Variants in DOK5 observed in about 807,000 individuals in gnomAD.
The protein encoded by DOK5 is docking protein 5.
In DOK5, 27 loss-of-function variants were observed where a neutral mutation model predicts 43.3. The observed-to-expected ratio is 0.62, with a 90% confidence interval of 0.46 to 0.86. The LOEUF (loss-of-function observed/expected upper bound fraction) is 0.86. DOK5 is among the 40% of genes least tolerant of loss of function. The probability of loss-of-function intolerance (pLI) is 0.00; values close to 1 mark genes in which losing one functional copy is unlikely to be tolerated. For missense variants in DOK5, 373 were observed against 392.9 expected, an observed-to-expected ratio of 0.95 and a Z score of 0.43; for synonymous variants, 146 against 140.1, an observed-to-expected ratio of 1.04 and a Z score of -0.30.
chr20:54,575,357 T>C (rs914703086), intron 2 of DOK5, among the ~76,000 whole-genome samples: 7 of 152,164 alleles, frequency 4.6e-5, no homozygotes, highest in Non-Finnish European at 2.9e-5. Context: ...ACTTTGGATA[T>C]GGGATGGAAG....
chr20:54,640,031 C>G (rs1175274232), intron 6 of DOK5, among the ~76,000 whole-genome samples: 1 of 152,124 alleles, frequency 6.6e-6, no homozygotes, highest in Non-Finnish European at 1.5e-5. Flanking sequence ...GATGCCCTCC[C>G]GTCTCAGGAC....
chr20:54,539,568 G>C (rs1984078802), intron 1 of DOK5, among the ~76,000 whole-genome samples: 1 of 152,144 alleles, frequency 6.6e-6, no homozygotes, highest in South Asian at 2.1e-4. Context: ...AAAAAGATTA[G>C]TTGAAAAATG....
chr20:54,610,651 A>G (rs1986617368), intron 6 of DOK5, 128 bp downstream of exon 6: 35 of 1,094,302 alleles, frequency 3.2e-5, no homozygotes, highest in Non-Finnish European at 4.0e-5. Context: ...TCAACAGTGT[A>G]TCACTTGGAT....
At chr20:54,520,944 C>T (rs898034092) in intron 1 of DOK5, among the ~76,000 whole-genome samples, 7 of 152,078 alleles carry the variant, frequency 4.6e-5, no homozygotes, top group Non-Finnish European at 8.8e-5. Context: ...ACTCTGTAAG[C>T]TGACTTGCTT....
chr20:54,498,365 G>T (rs1201038591), intron 1 of DOK5, among the ~76,000 whole-genome samples: 4 of 152,084 alleles, frequency 2.6e-5, no homozygotes, highest in Non-Finnish European at 4.4e-5. Flanking sequence ...ATAAATTAGA[G>T]GATTAAATTG....
At chr20:54,556,513 T>C (rs1356274210) in intron 2 of DOK5, among the ~76,000 whole-genome samples, 1 of 152,244 alleles carries the variant, frequency 6.6e-6, no homozygotes, top group East Asian at 1.9e-4. Flanking sequence ...TCCAGTCATT[T>C]TGAACCAGAT....
chr20:54,505,681 G>A (rs898599051), intron 1 of DOK5, among the ~76,000 whole-genome samples: 28 of 152,136 alleles, frequency 1.8e-4, no homozygotes, highest in African/African-American at 6.8e-4. Flanking sequence ...TAGGGGGTGG[G>A]AGATGCAATT....
intron 1 of DOK5, among the ~76,000 whole-genome samples, chr20:54,542,182 CAA>C (rs1313119701): frequency 6.6e-6 from 1 of 151,398 alleles, no homozygotes; most frequent in African/African-American, 2.4e-5. Flanking sequence ...GAAAGCACAA[CAA>C]AGACAGCAGA....
intron 6 of DOK5, among the ~76,000 whole-genome samples, chr20:54,630,868 A>T (rs1334215508): frequency 6.6e-6 from 1 of 152,246 alleles, no homozygotes; most frequent in Non-Finnish European, 1.5e-5. Flanking sequence ...AAATTCTAAT[A>T]TTCATTTAAA....
chr20:54,615,645 C>T (rs1294334880), intron 6 of DOK5, among the ~76,000 whole-genome samples: 1 of 152,180 alleles, frequency 6.6e-6, no homozygotes, highest in Admixed American at 6.5e-5. Flanking sequence ...AGCGCAGTGG[C>T]TCATGCCTGT....
At chr20:54,581,741 G>C (rs763540233) in intron 2 of DOK5, among the ~76,000 whole-genome samples, 2 of 151,724 alleles carry the variant, frequency 1.3e-5, no homozygotes, top group Admixed American at 1.3e-4. Flanking sequence ...ATTTTGTATC[G>C]TGCCATTTTA....
At chr20:54,542,099 TACACACACACACAC>T (rs59020714) in intron 1 of DOK5, among the ~76,000 whole-genome samples, 7 of 121,984 alleles carry the variant, frequency 5.7e-5, no homozygotes, top group Admixed American at 2.4e-4. Context: ...TATTATAAGA[TACACACACACACAC>T]ACACACACAC....
At chr20:54,543,179 GT>G (rs1285229352) in intron 1 of DOK5, among the ~76,000 whole-genome samples, 1 of 152,094 alleles carries the variant, frequency 6.6e-6, no homozygotes, top group Non-Finnish European at 1.5e-5. Context: ...ATGTGTTGAA[GT>G]TTCTACTTAA....
At chr20:54,538,243 C>T (rs1984024521) in intron 1 of DOK5, among the ~76,000 whole-genome samples, 1 of 150,856 alleles carries the variant, frequency 6.6e-6, no homozygotes, top group Non-Finnish European at 1.5e-5. Flanking sequence ...TTTCCAAGAA[C>T]CTATTGATAT....
intron 1 of DOK5, among the ~76,000 whole-genome samples, chr20:54,516,495 A>G (rs1007755027): frequency 6.6e-6 from 1 of 152,186 alleles, no homozygotes; most frequent in Admixed American, 6.5e-5. Flanking sequence ...CTCTAGCTTT[A>G]AGGGCATTTT....
chr20:54,490,189 C>T (rs540472015), intron 1 of DOK5, among the ~76,000 whole-genome samples: 74 of 152,210 alleles, frequency 4.9e-4, no homozygotes, highest in Non-Finnish European at 7.1e-4. Context: ...TGTCTTAAAA[C>T]ACACCTTCCT....
intron 5 of DOK5, among the ~76,000 whole-genome samples, chr20:54,608,667 C>CTT (rs11353769): frequency 2.2e-5 from 3 of 134,340 alleles, no homozygotes; most frequent in South Asian, 2.3e-4. Context: ...TCTTCTTCTT[C>CTT]TTTTTTTTTT....
intron 2 of DOK5, among the ~76,000 whole-genome samples, chr20:54,582,980 T>C (rs1985687865): frequency 1.3e-5 from 2 of 151,996 alleles, no homozygotes; most frequent in African/African-American, 4.8e-5. Flanking sequence ...GAGGTATCTC[T>C]TCTTTTTTAA....
chr20:54,519,687 T>C (rs1413931485), intron 1 of DOK5, among the ~76,000 whole-genome samples: 2 of 152,180 alleles, frequency 1.3e-5, no homozygotes, highest in African/African-American at 4.8e-5. Flanking sequence ...TATGATTCAG[T>C]AAAGAAAGAG....
Sources: gnomAD v4.1 joint callset for allele counts (sites outside exome capture counted in the v4.1 genomes callset) on GRCh38, gnomAD v4.1.1 for gene constraint, MANE v1.5 for transcripts, NCBI Gene and HGNC (gene_info 2026-07-23, HGNC 2026-07-21) for gene names.